Variants in CPD observed in about 807,000 individuals in gnomAD.
CPD encodes carboxypeptidase D.
CPD carries 69 observed loss-of-function variants against 138.3 expected under a neutral mutation model. That is an observed-to-expected ratio of 0.50 (90% CI 0.41 to 0.61). The LOEUF is 0.61. Among genes scored for constraint, CPD ranks in the 20% least tolerant of loss-of-function variants. CPD has a pLI of 0.00. For missense variants in CPD, 1,432 were observed against 1,733.3 expected, an observed-to-expected ratio of 0.83 and a Z score of 3.09; for synonymous variants, 651 against 642.1, an observed-to-expected ratio of 1.01 and a Z score of -0.21.
Position 30,428,984 on chromosome 17 carries a change from T to A in CPD, c.2017+1426T>A, listed in dbSNP as rs1461954507. On this transcript the variant is annotated intron_variant, in intron 7 of 20. Transcript: ENST00000225719. The stretch of plus-strand genomic sequence containing the variant: ...CAGAAGTACCATAGTGGAGACTTCA[T>A]GTCATATAGAGTAGCCTGCCATTTT... Among the ~76,000 whole-genome samples the A allele has an allele frequency of 5.3e-5, 8 of 152,268 alleles. No individual in the cohort carries two copies. The East Asian group carries it at 1.5e-3, about 29-fold the overall frequency.
At chr17:30,421,500 A>C (rs73277576) in intron 3 of CPD, among the ~76,000 whole-genome samples, 164 bp from the exon 4 acceptor site, 137 of 152,328 alleles carry the variant, frequency 9.0e-4, no homozygotes, top group African/African-American at 3.1e-3. Flanking sequence ...AGGATTTAAT[A>C]CTTCTGTCTG....
chr17:30,421,738 G>T lies in CPD; in HGVS notation c.1212G>T (p.Val404=). 1 of 1,613,254 alleles carries T rather than the reference G, an allele frequency of 6.2e-7. No individual in the cohort carries two copies. Among genetic ancestry groups the T allele is most frequent in the Non-Finnish European group, 8.5e-7 (1 of 1,179,320 alleles). The change falls in exon 4 of 21, where the codon GTG becomes GTT. Residue 404 remains valine, a synonymous_variant. Transcript: ENST00000225719. ...GSGLENATIS[V]AGINHNITTG... ...GGTTAGAGAATGCAACCATCTCAGT[G>T]GCTGGTATTAATCATAATATCACAA... is the stretch of plus-strand genomic sequence containing the variant.
At chr17:30,456,715 G>A (rs1597737208) in intron 17 of CPD, 189 bp downstream of exon 17, 6 of 500,408 alleles carry the variant, frequency 1.2e-5, no homozygotes, top group South Asian at 4.2e-5. Flanking sequence ...GGTGGCAGAC[G>A]CCCGTAATCC....
intron 9 of CPD, among the ~76,000 whole-genome samples, chr17:30,440,527 G>T (rs1012317523): frequency 1.4e-5 from 2 of 147,818 alleles, no homozygotes; most frequent in African/African-American, 5.0e-5. Context: ...TTCTTCTAGG[G>T]TTTTTATGGT....
intron 1 of CPD, among the ~76,000 whole-genome samples, chr17:30,384,757 T>C (rs909479874): frequency 6.6e-6 from 1 of 152,232 alleles, no homozygotes; most frequent in Non-Finnish European, 1.5e-5. Flanking sequence ...TTAGTTTAGG[T>C]TAACCTGAAT....
intron 2 of CPD, among the ~76,000 whole-genome samples, chr17:30,401,425 C>G (rs528830413): frequency 6.6e-6 from 1 of 150,824 alleles, no homozygotes; most frequent in Admixed American, 6.8e-5. Context: ...TCTTCCTCCT[C>G]TTCCTCTTCT....
In CPD at chr17:30,466,181, A is replaced by G. The variant is rs1567887373; in HGVS notation, c.*1367A>G. 4 of 152,758 alleles carry G rather than the reference A, an allele frequency of 2.6e-5. No homozygotes were observed. In the Middle Eastern group the frequency reaches 0.01, roughly 390 times the overall value. 9.5% of individuals were successfully genotyped at this position (152,758 alleles called of 1,614,324 possible). On this transcript the variant is annotated 3_prime_UTR_variant, in exon 21 of 21. Transcript: ENST00000225719. The stretch of plus-strand genomic sequence containing the variant: ...TTTGTAAGTATGCATCTTACCAATG[A>G]TGTAACGGTTTAATACCTTTGAATG...
At chr17:30,403,432 A>C (rs932378184) in intron 2 of CPD, among the ~76,000 whole-genome samples, 12 of 152,154 alleles carry the variant, frequency 7.9e-5, no homozygotes, top group African/African-American at 2.9e-4. Context: ...CCTTTCTCAC[A>C]TTCCCTCATA....
At chr17:30,425,714 T>C (rs1304454542) in intron 6 of CPD, among the ~76,000 whole-genome samples, 2 of 151,762 alleles carry the variant, frequency 1.3e-5, no homozygotes, top group Non-Finnish European at 2.9e-5. Context: ...CACTCAACAT[T>C]GTGATAATGT....
intron 20 of CPD, among the ~76,000 whole-genome samples, chr17:30,464,354 A>T (rs559265392): frequency 1.3e-5 from 2 of 152,328 alleles, no homozygotes; most frequent in South Asian, 4.1e-4. Context: ...TGGGTAATGG[A>T]AATGTAAATA....
At position 30,461,281 on chromosome 17, in the gene CPD, T is replaced by C. The variant is rs1913466521; in HGVS notation, c.3600T>C (p.Asn1200=). The change falls in exon 18 of 21, where the codon AAT becomes AAC. Residue 1200 remains asparagine (N), a synonymous_variant. Transcript: ENST00000225719. ...AARLPSLWAD[N]KRSLLSMLVE... ...GACTCCCTTCCTTGTGGGCAGACAA[T>C]AAGAGATCTCTTCTTAGTATGTTAG... 19 of 1,609,416 alleles carry C rather than the reference T, an allele frequency of 1.2e-5. No homozygotes were observed. Among genetic ancestry groups the C allele is most frequent in the Non-Finnish European group, 1.5e-5 (18 of 1,178,004 alleles).
Position 30,423,009 on chromosome 17 carries a change from G to A in CPD, c.1643G>A (p.Gly548Asp), listed in dbSNP as rs1254212266. ...GTGATGGAGATATCTGATAATCCGG[G>A]TGTCCATGAACCAGGTAATTGGTAT... ...LYVMEISDNP[G>D]VHEPGEPEFK... The change falls in exon 5 of 21, where the codon GGT (glycine) becomes GAT (aspartate). Residue 548 changes from glycine to aspartate, a missense_variant. Physicochemically the swap from Gly to Asp is moderately conservative, Grantham distance 94. This residue lies in a region of CPD where 297 missense variants were observed against 405.3 expected (regional missense o/e 0.73). Transcript: ENST00000225719. The A allele has an allele frequency of 6.2e-7, 1 of 1,610,550 alleles. No homozygotes were observed. The highest frequency in any genetic ancestry group is 1.7e-5 in the Admixed American group (1 of 59,888).
chr17:30,460,533 A>G (rs939472748), intron 17 of CPD, among the ~76,000 whole-genome samples: 1 of 152,230 alleles, frequency 6.6e-6, no homozygotes, highest in Admixed American at 6.5e-5. Context: ...CTATAGAGGT[A>G]GAATTGACAA....
At chr17:30,413,101 C>A (rs1912010804) in intron 2 of CPD, among the ~76,000 whole-genome samples, 1 of 152,158 alleles carries the variant, frequency 6.6e-6, no homozygotes, top group African/African-American at 2.4e-5. Context: ...GGAAGTATAT[C>A]TGTTGTTTAT....
chr17:30,444,497 C>T (rs1449736793), intron 11 of CPD, among the ~76,000 whole-genome samples: 1 of 141,396 alleles, frequency 7.1e-6, no homozygotes, highest in Non-Finnish European at 1.5e-5. Flanking sequence ...GCAATGCAGT[C>T]TATTTAACAT....
intron 2 of CPD, among the ~76,000 whole-genome samples, chr17:30,401,306 C>G (rs1305468929): frequency 6.6e-6 from 1 of 151,138 alleles, no homozygotes; most frequent in African/African-American, 2.4e-5. Flanking sequence ...CCTCTTACTC[C>G]TCTTCCTCTT....
At chr17:30,385,463 CCTCTCT>C (rs1229797685) in intron 2 of CPD, among the ~76,000 whole-genome samples, 2 of 150,286 alleles carry the variant, frequency 1.3e-5, no homozygotes, top group Admixed American at 1.3e-4. Flanking sequence ...CTTGCCTCTC[CCTCTCT>C]CTTTTTCACT....
At position 30,452,387 on chromosome 17, in the gene CPD, T is replaced by C. The variant is rs1298384554; in HGVS notation, c.3205+541T>C. Among the ~76,000 whole-genome samples, 5 of 151,646 alleles carry C rather than the reference T, an allele frequency of 3.3e-5. No homozygotes were observed. The East Asian group carries it at 9.7e-4, about 29-fold the overall frequency. The stretch of plus-strand genomic sequence containing the variant: ...TCTTGGGTTAAGCAATTATCCTGCC[T>C]CAGCCTCCTGAATAGCTGGGATTAC... On this transcript the variant is annotated intron_variant, in intron 14 of 20. Transcript: ENST00000225719.
chr17:30,461,830 G>A, intron 18 of CPD, 47 bp from the exon 19 acceptor site: 1 of 1,497,058 alleles, frequency 6.7e-7, no homozygotes, highest in South Asian at 1.3e-5. Flanking sequence ...CCTCTACCAT[G>A]TCTGGCATTA....
Sources: gnomAD v4.1 joint callset for allele counts (sites outside exome capture counted in the v4.1 genomes callset) on GRCh38, gnomAD v4.1.1 for gene constraint, gnomAD v4.1.1 regional missense constraint, MANE v1.5 for transcripts, NCBI Gene and HGNC (gene_info 2026-07-23, HGNC 2026-07-21) for gene names.